ADCK1: variants seen among roughly 807,000 people sequenced by gnomAD.
ADCK1 encodes aarF domain-containing protein kinase 1.
In ADCK1, 41 loss-of-function variants were observed where a neutral mutation model predicts 52.3. The observed-to-expected ratio is 0.78, with a 90% CI of 0.61 to 1.02. ADCK1 has a LOEUF of 1.02. ADCK1 is among the 50% of genes least tolerant of loss of function. The pLI, the probability that ADCK1 is intolerant of heterozygous loss-of-function variation, is 0.00. For missense variants in ADCK1, 658 were observed against 679.5 expected, an observed-to-expected ratio of 0.97 and a Z score of 0.35; for synonymous variants, 250 against 274.6, an observed-to-expected ratio of 0.91 and a Z score of 0.89.
chr14:77,850,315 G>T (rs999217189), intron 3 of ADCK1, among the ~76,000 whole-genome samples: 1 of 152,320 alleles, frequency 6.6e-6, no homozygotes, highest in African/African-American at 2.4e-5. Flanking sequence ...TGCCAGTTCA[G>T]ATTGGTTGAT....
chr14:77,852,112 C>T (rs1422274552), intron 3 of ADCK1, among the ~76,000 whole-genome samples: 1 of 152,070 alleles, frequency 6.6e-6, no homozygotes, highest in Admixed American at 6.6e-5. Context: ...GATTCTTCTG[C>T]CTCAGCCTCC....
chr14:77,928,067 C>T (rs564137195), intron 9 of ADCK1, among the ~76,000 whole-genome samples: 2 of 152,112 alleles, frequency 1.3e-5, no homozygotes, highest in East Asian at 3.9e-4. Context: ...CTGGTGGCAA[C>T]AGAGATGGAG....
chr14:77,907,884 G>A lies in ADCK1; in HGVS notation c.823G>A (p.Asp275Asn). 6.2e-7 allele frequency: 1 copy of A among 1,614,048 alleles called. No individual in the cohort carries two copies. Among genetic ancestry groups the A allele is most frequent in the East Asian group, 2.2e-5 (1 of 44,874 alleles). The part of the protein sequence containing the change: ...FVDGGQVNDR[D>N]YMERNKIDVN... ...GGATGGCGGGCAGGTCAATGACAGA[G>A]ACTACATGGAGAGGAACAAGATCGA... The change falls in exon 7 of 11, where the codon GAC (aspartate) becomes AAC (asparagine). Residue 275 changes from aspartate (D) to asparagine (N), a missense_variant. Coordinates refer to ENST00000238561, the MANE Select transcript of ADCK1 (RefSeq NM_020421.4).
intron 7 of ADCK1, among the ~76,000 whole-genome samples, chr14:77,915,898 G>A (rs1055035580): frequency 6.6e-6 from 1 of 152,200 alleles, no homozygotes; most frequent in African/African-American, 2.4e-5. Context: ...TGGGATACAA[G>A]AGAGTAACCC....
At chr14:77,805,252 C>CTTTTTT (rs777184096) in intron 1 of ADCK1, among the ~76,000 whole-genome samples, 3 of 62,310 alleles carry the variant, frequency 4.8e-5, no homozygotes, top group Non-Finnish European at 9.5e-5. Flanking sequence ...GCTTTGCATT[C>CTTTTTT]TTTTTTTTTT....
At chr14:77,884,427 T>C (rs2083102649) in intron 4 of ADCK1, among the ~76,000 whole-genome samples, 1 of 151,078 alleles carries the variant, frequency 6.6e-6, no homozygotes, top group African/African-American at 2.4e-5. Context: ...AGCAAGGGGG[T>C]GGGGAAGGGA....
At chr14:77,852,909 T>TATATA (rs56396469) in intron 3 of ADCK1, among the ~76,000 whole-genome samples, 41 of 19,786 alleles carry the variant, frequency 2.1e-3, no homozygotes, top group Non-Finnish European at 2.7e-3. Context: ...ATATATATAT[T>TATATA]TTTTTTTTTT....
chr14:77,837,958 TAGC>T (rs1454925301), intron 3 of ADCK1, among the ~76,000 whole-genome samples: 2 of 152,200 alleles, frequency 1.3e-5, no homozygotes, highest in African/African-American at 2.4e-5. Context: ...ATTGCTGGAA[TAGC>T]AGGGCTAGAT....
intron 1 of ADCK1, among the ~76,000 whole-genome samples, chr14:77,801,063 T>C (rs1410513416): frequency 6.6e-6 from 1 of 152,148 alleles, no homozygotes; most frequent in East Asian, 1.9e-4. Context: ...GACTCCCGTC[T>C]GTATTAAAAG....
intron 4 of ADCK1, among the ~76,000 whole-genome samples, chr14:77,860,309 C>G (rs1248010130): frequency 1.3e-5 from 2 of 152,178 alleles, no homozygotes; most frequent in Non-Finnish European, 2.9e-5. Context: ...TAGCAGGTGC[C>G]CTGGGTCTGC....
At chr14:77,870,305 A>C (rs908737885) in intron 4 of ADCK1, among the ~76,000 whole-genome samples, 4 of 152,232 alleles carry the variant, frequency 2.6e-5, no homozygotes, top group Non-Finnish European at 5.9e-5. Context: ...CCCGCTATGC[A>C]GCTCCTAGCC....
chr14:77,811,849 A>C (rs890673869), intron 1 of ADCK1, among the ~76,000 whole-genome samples: 1 of 152,224 alleles, frequency 6.6e-6, no homozygotes, highest in Non-Finnish European at 1.5e-5. Context: ...GATAACACCC[A>C]AAAATAATCC....
intron 4 of ADCK1, among the ~76,000 whole-genome samples, chr14:77,860,327 G>A (rs1005185155): frequency 1.3e-5 from 2 of 152,224 alleles, no homozygotes; most frequent in East Asian, 1.9e-4. Flanking sequence ...TGCTTAAAGA[G>A]CCAATGGATG....
chr14:77,810,588 T>C (rs28445375), intron 1 of ADCK1, among the ~76,000 whole-genome samples: 8,936 of 150,358 alleles, frequency 0.059, 597 homozygotes, highest in African/African-American at 0.16. Flanking sequence ...TGGAGTGCAG[T>C]GGCACGATTT....
chr14:77,887,231 G>A lies in ADCK1; in HGVS notation c.564G>A (p.Lys188=), dbSNP rs1306474058. ...QHPKVRAQSS[K]DILLMEVLVL... ...CAAAGGTGCGGGCTCAGAGCTCGAA[G>A]GACATTCTCCTGATGGAGGTGAGAG... Residue 188 remains lysine (K), a synonymous_variant, in exon 5 of 11, where the codon AAG becomes AAA. Coordinates refer to ENST00000238561, the MANE Select transcript of ADCK1 (RefSeq NM_020421.4). The A allele has an allele frequency of 2.5e-6, 4 of 1,588,540 alleles. No homozygotes were observed. In the African/African-American group the frequency reaches 5.4e-5, roughly 22 times the overall value.
intron 4 of ADCK1, among the ~76,000 whole-genome samples, chr14:77,864,902 A>G (rs1449351199): frequency 6.6e-6 from 1 of 152,146 alleles, no homozygotes; most frequent in African/African-American, 2.4e-5. Flanking sequence ...AGGTCAGTCT[A>G]TGTTCTGTTC....
chr14:77,921,326 C>CAAA (rs756056466), intron 7 of ADCK1, among the ~76,000 whole-genome samples: 983 of 41,110 alleles, frequency 0.024, 71 homozygotes, highest in African/African-American at 0.055. Context: ...GACTCTGTCT[C>CAAA]AAAAAAAAAA....
intron 5 of ADCK1, among the ~76,000 whole-genome samples, chr14:77,898,100 A>G (rs1239706610): frequency 2.6e-5 from 4 of 152,176 alleles, no homozygotes; most frequent in African/African-American, 9.7e-5. Flanking sequence ...TCTACAAAAA[A>G]ATTAAAAAAA....
chr14:77,817,522 A>C (rs2081482476), intron 1 of ADCK1, among the ~76,000 whole-genome samples: 1 of 151,874 alleles, frequency 6.6e-6, no homozygotes, highest in African/African-American at 2.4e-5. Flanking sequence ...CACTGGCCGC[A>C]AAGAGTGACT....
Sources: gnomAD v4.1 joint callset for allele counts (sites outside exome capture counted in the v4.1 genomes callset) on GRCh38, gnomAD v4.1.1 for gene constraint, MANE v1.5 for transcripts, NCBI Gene and HGNC (gene_info 2026-07-23, HGNC 2026-07-21) for gene names.